Variants in SGSM1 observed in about 807,000 individuals in gnomAD.
The protein encoded by SGSM1 is RUN and TBC1 domain containing 2.
In SGSM1, 73 loss-of-function variants were observed where a neutral mutation model predicts 133.8. That is an observed-to-expected ratio of 0.55 (90% CI 0.45 to 0.66). The LOEUF is 0.66. Among genes scored for constraint, SGSM1 ranks in the 30% least tolerant of loss-of-function variants. SGSM1 has a pLI of 0.00. For synonymous variants in SGSM1, 563 were observed against 573.0 expected (o/e 0.98, Z 0.25); for missense variants, 1,213 against 1,448.1 (o/e 0.84, Z 2.64).
chr22:24,892,677 AT>A (rs1163058351), intron 16 of SGSM1, among the ~76,000 whole-genome samples: 1 of 152,058 alleles, frequency 6.6e-6, no homozygotes, highest in African/African-American at 2.4e-5. Context: ...ATAGGTACTT[AT>A]CAAATTGAGT....
intron 14 of SGSM1, among the ~76,000 whole-genome samples, chr22:24,882,349 C>T (rs1932378789): frequency 6.6e-6 from 1 of 152,092 alleles, no homozygotes; most frequent in African/African-American, 2.4e-5. Context: ...GGACTACAGG[C>T]TTGAGGCACT....
At chr22:24,841,061 A>C (rs933854829) in intron 2 of SGSM1, among the ~76,000 whole-genome samples, 1 of 151,886 alleles carries the variant, frequency 6.6e-6, no homozygotes, top group Non-Finnish European at 1.5e-5. Flanking sequence ...CGTGTTAGCC[A>C]AGATGGTCTC....
intron 15 of SGSM1, 83 bp from the exon 16 acceptor site, chr22:24,886,517 A>C: frequency 6.7e-7 from 1 of 1,496,652 alleles, no homozygotes; most frequent in Non-Finnish European, 9.0e-7. Context: ...CAATCTGGCC[A>C]ACATGGTGAA....
chr22:24,893,422 C>A lies in SGSM1; in HGVS notation c.1771-9C>A. ...GACACCTCGGGTGACATTGCATCTG[C>A]CCTGGCAGGTGGACGAGCAGATTCA... On this transcript the variant is annotated splice_polypyrimidine_tract_variant and intron_variant, in intron 16 of 24. Coordinates refer to ENST00000400358, the MANE Select transcript of SGSM1 (RefSeq NM_001098497.3). The A allele has an allele frequency of 6.2e-7, 1 of 1,613,100 alleles. No individual in the cohort carries two copies. The highest frequency in any genetic ancestry group is 8.5e-7 in the Non-Finnish European group (1 of 1,179,516).
chr22:24,922,499 G>A (rs1283208579), intron 24 of SGSM1, among the ~76,000 whole-genome samples: 1 of 127,632 alleles, frequency 7.8e-6, no homozygotes, highest in East Asian at 2.6e-4. Context: ...TTTTTGAGAC[G>A]GAGTCTTGCT....
rs764239383 is a variant in SGSM1, at chr22:24,886,684, C to T, written c.1726C>T (p.Leu576=). The T allele has an allele frequency of 2.5e-6, 4 of 1,576,632 alleles. 1 individual carries two copies. The South Asian group carries it at 4.7e-5, about 18-fold the overall frequency. Residue 576 remains leucine, a synonymous_variant, in exon 16 of 25, where the codon CTG becomes TTG. Coordinates refer to ENST00000400358, the MANE Select transcript of SGSM1 (RefSeq NM_001098497.3). ...CCGCAAGGCCGTGTGGCCCTTCCTCCTGGGCCACTACCAGTTCGGGATGAC... is the reference window on the plus strand; with the variant it reads ...CCGCAAGGCCGTGTGGCCCTTCCTCTTGGGCCACTACCAGTTCGGGATGAC... ...EIRKAVWPFL[L]GHYQFGMTET...
intron 12 of SGSM1, among the ~76,000 whole-genome samples, chr22:24,870,140 G>A (rs1396908293): frequency 6.6e-6 from 1 of 152,218 alleles, no homozygotes; most frequent in East Asian, 1.9e-4. Context: ...GCGCTACAGT[G>A]TCCTGAAGTG....
chr22:24,871,474 T>C (rs1000834197), intron 12 of SGSM1, among the ~76,000 whole-genome samples: 2 of 152,186 alleles, frequency 1.3e-5, no homozygotes, highest in Admixed American at 6.5e-5. Context: ...GTATCGTGTC[T>C]TGAGTGCCAC....
At chr22:24,877,585 TAGG>T (rs1197454806) in intron 13 of SGSM1, among the ~76,000 whole-genome samples, 2 of 151,840 alleles carry the variant, frequency 1.3e-5, no homozygotes, top group Non-Finnish European at 2.9e-5. Context: ...TCATCAGCCA[TAGG>T]ATATAAGGGG....
At chr22:24,884,392 T>C (rs778120890) in intron 15 of SGSM1, among the ~76,000 whole-genome samples, 194 bp downstream of exon 15, 8 of 152,132 alleles carry the variant, frequency 5.3e-5, no homozygotes, top group African/African-American at 1.9e-4. Context: ...AGTGTGGAGA[T>C]TGAATGGGAG....
chr22:24,858,861 G>A (rs985798228), intron 8 of SGSM1, among the ~76,000 whole-genome samples: 4 of 152,222 alleles, frequency 2.6e-5, no homozygotes, highest in South Asian at 4.1e-4. Flanking sequence ...TAACAACCAT[G>A]CCCAAAACTT....
Position 24,844,910 on chromosome 22 carries a change from T to C in SGSM1, c.77T>C (p.Met26Thr), listed in dbSNP as rs368610733. 2.5e-6 allele frequency: 4 copies of C among 1,613,762 alleles called. No homozygotes were observed. In the South Asian group the frequency reaches 3.3e-5, roughly 13 times the overall value. ...RTVKKEVKQIMEEAVTRKFVH... is the reference protein window; with the variant it reads ...RTVKKEVKQITEEAVTRKFVH... ...TTTGCCTTCCAGGTGAAGCAGATCA[T>C]GGAGGAGGCTGTGACACGCAAGTTT... The change falls in exon 3 of 25, where the codon ATG (methionine) becomes ACG (threonine). Residue 26 changes from methionine (M) to threonine (T), a missense_variant. By Grantham distance (81) the Met-to-Thr change is moderately conservative (BLOSUM62 -1). Coordinates refer to ENST00000400358, the MANE Select transcript of SGSM1 (RefSeq NM_001098497.3).
intron 21 of SGSM1, among the ~76,000 whole-genome samples, chr22:24,909,188 C>T (rs77578104): frequency 0.018 from 2,787 of 152,238 alleles, 89 homozygotes; most frequent in African/African-American, 0.062. Context: ...ACCATCCCCC[C>T]GACTCCACTC....
At chr22:24,879,571 A>G (rs751450192) in intron 14 of SGSM1, 45 bp downstream of exon 14, 12 of 1,580,068 alleles carry the variant, frequency 7.6e-6, no homozygotes, top group Admixed American at 1.7e-5. Context: ...TGGAGCAGCT[A>G]TTGGTGCCTG....
chr22:24,896,385 T>C (rs80155221), intron 18 of SGSM1, among the ~76,000 whole-genome samples: 7,702 of 152,054 alleles, frequency 0.051, 619 homozygotes, highest in African/African-American at 0.17. Context: ...AAACTAACCA[T>C]AAATCAAGTT....
chr22:24,906,374 C>T (rs866492826), intron 21 of SGSM1, among the ~76,000 whole-genome samples: 1 of 152,044 alleles, frequency 6.6e-6, no homozygotes, highest in Admixed American at 6.6e-5. Context: ...TTTTTGCCGC[C>T]AAAGGTTCTA....
At chr22:24,866,657 C>T (rs1187108487) in intron 9 of SGSM1, among the ~76,000 whole-genome samples, 3 of 152,210 alleles carry the variant, frequency 2.0e-5, no homozygotes, top group Non-Finnish European at 4.4e-5. Context: ...CAGACTTCTG[C>T]CCTTACCACT....
intron 2 of SGSM1, among the ~76,000 whole-genome samples, chr22:24,810,020 G>A (rs978538115): frequency 5.3e-5 from 8 of 152,148 alleles, no homozygotes; most frequent in Non-Finnish European, 8.8e-5. Flanking sequence ...TGGCTGGAGG[G>A]AACACTGTGA....
chr22:24,886,441 C>T (rs145512438), intron 15 of SGSM1, among the ~76,000 whole-genome samples, 159 bp from the exon 16 acceptor site: 167 of 151,968 alleles, frequency 1.1e-3, no homozygotes, highest in African/African-American at 3.9e-3. Context: ...CAGTGGCTCA[C>T]GCCTGTAATC....
Sources: allele counts gnomAD v4.1 joint callset (sites outside exome capture counted in the v4.1 genomes callset), GRCh38; gene constraint gnomAD v4.1.1; transcripts MANE v1.5; gene names NCBI Gene and HGNC (gene_info 2026-07-23, HGNC 2026-07-21).